SHTN1: variants seen among roughly 807,000 people sequenced by gnomAD.
The protein encoded by SHTN1 is shootin 1.
SHTN1 carries 42 observed loss-of-function variants against 83.1 expected under a neutral mutation model. The ratio of observed to expected loss-of-function variants is 0.51; its 90% CI spans 0.39 to 0.65. SHTN1 has a LOEUF of 0.65. Among genes scored for constraint, SHTN1 ranks in the 30% least tolerant of loss-of-function variants. SHTN1 has a pLI of 0.00. For missense variants in SHTN1, 622 were observed against 737.8 expected (o/e 0.84, Z 1.82); for synonymous variants, 224 against 247.7 (o/e 0.90, Z 0.90).
intron 1 of SHTN1, among the ~76,000 whole-genome samples, chr10:117,056,131 T>C (rs1226864973): frequency 6.6e-6 from 1 of 152,140 alleles, no homozygotes; most frequent in African/African-American, 2.4e-5. Context: ...TAGAAAATCC[T>C]ACAAAACATA....
At chr10:117,111,221 C>A (rs1356303169) in intron 1 of SHTN1, among the ~76,000 whole-genome samples, 1 of 152,082 alleles carries the variant, frequency 6.6e-6, no homozygotes, top group African/African-American at 2.4e-5. Context: ...ACAAAAGACA[C>A]AGATTGCTAA....
At chr10:116,900,593 T>C in intron 16 of SHTN1, 1 of 1,531,680 alleles carries the variant, frequency 6.5e-7, no homozygotes, top group Non-Finnish European at 8.7e-7. Flanking sequence ...GAAGCATTTA[T>C]CAGAAACTAA....
chr10:116,960,299 C>A, intron 3 of SHTN1, 69 bp from the exon 4 acceptor site: 2 of 850,894 alleles, frequency 2.4e-6, no homozygotes, highest in South Asian at 1.4e-5. Flanking sequence ...GCCCACGCAT[C>A]GTCCCATGAT....
At chr10:117,076,781 G>A (rs992342851) in intron 1 of SHTN1, among the ~76,000 whole-genome samples, 1 of 152,192 alleles carries the variant, frequency 6.6e-6, no homozygotes, top group East Asian at 1.9e-4. Flanking sequence ...AATATGCCTC[G>A]CACTAATTTG....
intron 9 of SHTN1, among the ~76,000 whole-genome samples, chr10:116,934,920 T>C (rs930457995): frequency 1.3e-5 from 2 of 152,212 alleles, no homozygotes; most frequent in African/African-American, 2.4e-5. Context: ...TATTTTATTC[T>C]CTTTGTAGCA....
At chr10:117,120,532 G>A (rs1241884683) in intron 1 of SHTN1, among the ~76,000 whole-genome samples, 1 of 152,054 alleles carries the variant, frequency 6.6e-6, no homozygotes, top group African/African-American at 2.4e-5. Flanking sequence ...ACAGGCGTAA[G>A]CCACAGCGCC....
intron 2 of SHTN1, among the ~76,000 whole-genome samples, chr10:117,014,369 T>C (rs1158282936): frequency 6.6e-6 from 1 of 152,074 alleles, no homozygotes; most frequent in African/African-American, 2.4e-5. Context: ...TCGAACCATA[T>C]TACTAATATA....
chr10:117,079,851 G>C (rs1306196233), intron 1 of SHTN1, among the ~76,000 whole-genome samples: 40 of 148,736 alleles, frequency 2.7e-4, no homozygotes, highest in African/African-American at 9.1e-4. Context: ...AGAAGTGTCT[G>C]TTCATGTCCT....
At chr10:117,121,859 C>T (rs1461408921) in intron 1 of SHTN1, among the ~76,000 whole-genome samples, 1 of 151,364 alleles carries the variant, frequency 6.6e-6, no homozygotes, top group East Asian at 2.0e-4. Flanking sequence ...AGTGCAACCC[C>T]GTCTCTACTA....
rs1048590772 is a variant in SHTN1 at position 116,881,651 on chromosome 10, A to C, written c.*4693T>G. On this transcript the variant is annotated 3_prime_UTR_variant, in exon 17 of 17. Coordinates refer to ENST00000355371, the MANE Select transcript of SHTN1 (RefSeq NM_001127211.3). ...AAGGTGTAGAGGAATCAGCCGAAAC[A>C]GGAGCATCCTCTGGATAGGGCTGTA... is the stretch of plus-strand genomic sequence containing the variant. 7.8e-6 allele frequency: 12 copies of C among 1,546,644 alleles called. No individual in the cohort carries two copies. Among genetic ancestry groups the C allele is most frequent in the Non-Finnish European group, 1.0e-5 (12 of 1,145,272 alleles).
Position 116,884,577 on chromosome 10 carries a change from A to G in SHTN1, c.*1767T>C, listed in dbSNP as rs1251154454. 4.1e-6 allele frequency: 1 copy of G among 245,074 alleles called. No homozygotes were observed. Among genetic ancestry groups the G allele is most frequent in the Non-Finnish European group, 8.3e-6 (1 of 120,590 alleles). The allele number at this position is 245,074 out of a possible 1,614,324, so 15.2% of individuals were successfully genotyped here. A position where few individuals can be genotyped will look rare whatever the true frequency, so the allele number is the denominator to read the frequency against. On this transcript the variant is annotated 3_prime_UTR_variant, in exon 17 of 17. Coordinates refer to ENST00000355371, the MANE Select transcript of SHTN1 (RefSeq NM_001127211.3). ...TGAAATATGGAAAGACAGTGTACAT[A>G]TTTTTATATTCCTAAATGTGTGTGA...
At chr10:117,009,162 G>A (rs1852064823), upstream of SHTN1, among the ~76,000 whole-genome samples, 4 of 151,890 alleles carry the variant, frequency 2.6e-5, no homozygotes. Flanking sequence ...TGCACAAAAG[G>A]AAAGGAGAAA....
intron 1 of SHTN1, among the ~76,000 whole-genome samples, chr10:117,061,706 G>A (rs1852906502): frequency 6.6e-6 from 1 of 152,034 alleles, no homozygotes; most frequent in African/African-American, 2.4e-5. Flanking sequence ...CCCGACCTCA[G>A]GTGATCCGCC....
intron 1 of SHTN1, among the ~76,000 whole-genome samples, chr10:116,981,180 A>T (rs1419794173): frequency 6.6e-6 from 1 of 152,166 alleles, no homozygotes; most frequent in African/African-American, 2.4e-5. Flanking sequence ...TTAGCTGGGC[A>T]TGGTAGCACT....
At chr10:116,951,866 T>C in intron 6 of SHTN1, 43 bp downstream of exon 6, 1 of 1,167,170 alleles carries the variant, frequency 8.6e-7, no homozygotes, top group Non-Finnish European at 1.2e-6. Flanking sequence ...CCAAACACCT[T>C]GAAAATGCTA....
intron 1 of SHTN1, among the ~76,000 whole-genome samples, chr10:116,993,355 G>A (rs1237515750): frequency 6.6e-6 from 1 of 152,010 alleles, no homozygotes; most frequent in Non-Finnish European, 1.5e-5. Context: ...TTGTTCTTAC[G>A]TGGTATAAAA....
At chr10:116,895,931 T>C (rs1847501054) in intron 16 of SHTN1, among the ~76,000 whole-genome samples, 6 of 152,140 alleles carry the variant, frequency 3.9e-5, no homozygotes, top group East Asian at 1.9e-4. Context: ...TTAATATTAG[T>C]GAAATACAGT....
intron 1 of SHTN1, among the ~76,000 whole-genome samples, chr10:117,069,866 G>A (rs895167215): frequency 2.6e-5 from 4 of 152,002 alleles, no homozygotes; most frequent in Admixed American, 2.6e-4. Context: ...ATGGTACACA[G>A]GGAAAATATT....
rs1163980584 is a variant in SHTN1, at chr10:116,883,723, A to T, written c.*2621T>A. The T allele has an allele frequency of 1.3e-5, 2 of 154,560 alleles. No individual in the cohort carries two copies. Among genetic ancestry groups the T allele is most frequent in the Admixed American group, 1.3e-4 (2 of 15,822 alleles). The allele number at this position is 154,560 out of a possible 1,614,324, so 9.6% of individuals were successfully genotyped here. ...GGTAAGGAAGGAGCAATTATTGGTG[A>T]GTAGTTAGAGCCAAAGCATCCATCC... On this transcript the variant is annotated 3_prime_UTR_variant, in exon 17 of 17. Coordinates refer to ENST00000355371, the MANE Select transcript of SHTN1 (RefSeq NM_001127211.3).
Sources: gnomAD v4.1 joint callset for allele counts (sites outside exome capture counted in the v4.1 genomes callset) on GRCh38, gnomAD v4.1.1 for gene constraint, MANE v1.5 for transcripts, NCBI Gene and HGNC (gene_info 2026-07-23, HGNC 2026-07-21) for gene names.